FNDC3A: variants seen among roughly 807,000 people sequenced by gnomAD.
The protein encoded by FNDC3A is fibronectin type III domain containing 3A, also known as fibronectin type-III domain-containing protein 3A.
FNDC3A carries 32 observed loss-of-function variants against 148.9 expected under a neutral mutation model. That is an observed-to-expected ratio of 0.21 (90% confidence interval 0.16 to 0.29). FNDC3A has a LOEUF of 0.29. Ranked by LOEUF, FNDC3A falls within the 10% of genes least tolerant of loss-of-function variation. FNDC3A has a pLI of 1.00. For missense variants in FNDC3A, 1,191 were observed against 1,452.8 expected, an observed-to-expected ratio of 0.82 and a Z score of 2.93; for synonymous variants, 472 against 473.6, an observed-to-expected ratio of 1.00 and a Z score of 0.04.
intron 8 of FNDC3A, among the ~76,000 whole-genome samples, chr13:49,162,022 C>G (rs188728962): frequency 1.1e-3 from 160 of 152,298 alleles, no homozygotes; most frequent in African/African-American, 3.7e-3. Context: ...CGACCTTTCT[C>G]TCTGGCTGCC....
In FNDC3A at chr13:49,171,457, G is replaced by T. The variant is rs117254624; in HGVS notation, c.1177-586G>T. 5.2e-3 allele frequency among the ~76,000 whole-genome samples: 793 copies of T among 152,286 alleles called. 2 individuals are homozygous for T. The highest frequency in any genetic ancestry group is 9.1e-3 in the Non-Finnish European group (616 of 68,024). On this transcript the variant is annotated intron_variant, in intron 10 of 25. Coordinates refer to ENST00000492622, the MANE Select transcript of FNDC3A (RefSeq NM_001079673.2). ...TTGTAGAAGGAAAATTCAGATGGAA[G>T]TAAGGTTGAAATTCTTGATTTTTAG...
chr13:49,161,167 G>T (rs1884086110), intron 8 of FNDC3A, among the ~76,000 whole-genome samples: 1 of 152,048 alleles, frequency 6.6e-6, no homozygotes, highest in Non-Finnish European at 1.5e-5. Context: ...TCAAGTCCTG[G>T]GTATCCTTGT....
At chr13:49,019,966 A>T (rs1434485711) in intron 2 of FNDC3A, among the ~76,000 whole-genome samples, 1 of 152,240 alleles carries the variant, frequency 6.6e-6, no homozygotes, top group Non-Finnish European at 1.5e-5. Context: ...TGACTGAAGT[A>T]TAGAAATGAA....
chr13:49,187,799 T>TA (rs1266140842), intron 16 of FNDC3A: 1 of 646,338 alleles, frequency 1.5e-6, no homozygotes, highest in African/African-American at 1.8e-5. Context: ...TTTTGCCTGT[T>TA]ATGATCCACT....
chr13:49,161,469 C>G (rs552194608), intron 8 of FNDC3A, among the ~76,000 whole-genome samples: 1 of 152,032 alleles, frequency 6.6e-6, no homozygotes, highest in Non-Finnish European at 1.5e-5. Context: ...TTCCTCCATC[C>G]CTTTATTTTG....
intron 3 of FNDC3A, among the ~76,000 whole-genome samples, chr13:49,109,635 A>G (rs1880418885): frequency 6.6e-6 from 1 of 152,220 alleles, no homozygotes; most frequent in African/African-American, 2.4e-5. Context: ...GAGAACTCTG[A>G]ACCTGCACCT....
intron 4 of FNDC3A, among the ~76,000 whole-genome samples, chr13:49,122,539 G>A (rs58370241): frequency 0.015 from 2,336 of 152,256 alleles, 61 homozygotes; most frequent in African/African-American, 0.052. Flanking sequence ...TTTCAAATAG[G>A]AAGAGAGGAA....
intron 3 of FNDC3A, among the ~76,000 whole-genome samples, chr13:49,099,371 G>A (rs1398575658): frequency 6.6e-6 from 1 of 152,098 alleles, no homozygotes; most frequent in African/African-American, 2.4e-5. Flanking sequence ...GTAAGTGAAA[G>A]TGTGCTTAGA....
At chr13:49,007,187 T>A (rs1199700312) in intron 2 of FNDC3A, among the ~76,000 whole-genome samples, 3 of 152,090 alleles carry the variant, frequency 2.0e-5, no homozygotes, top group African/African-American at 7.2e-5. Flanking sequence ...TTTTCTTACT[T>A]TATAAACTTA....
At chr13:49,057,940 C>A (rs1876373446) in intron 2 of FNDC3A, among the ~76,000 whole-genome samples, 1 of 152,076 alleles carries the variant, frequency 6.6e-6, no homozygotes, top group African/African-American at 2.4e-5. Flanking sequence ...ATCTCCCCCC[C>A]AAAATTTATA....
intron 2 of FNDC3A, among the ~76,000 whole-genome samples, chr13:49,042,719 G>A (rs1054250061): frequency 1.3e-5 from 2 of 152,144 alleles, no homozygotes; most frequent in South Asian, 2.1e-4. Flanking sequence ...TGAGACTGCA[G>A]TGAGCTGCGA....
At chr13:49,165,542 G>A (rs915295324) in intron 8 of FNDC3A, among the ~76,000 whole-genome samples, 14 of 152,182 alleles carry the variant, frequency 9.2e-5, no homozygotes, top group East Asian at 3.9e-4. Context: ...GCCTGTCCTC[G>A]GGCCTCAGTA....
chr13:49,103,680 T>C (rs1879995574), intron 3 of FNDC3A, among the ~76,000 whole-genome samples: 1 of 152,110 alleles, frequency 6.6e-6, no homozygotes, highest in Non-Finnish European at 1.5e-5. Flanking sequence ...TTGAGAGATA[T>C]TTAGGAGATA....
intron 2 of FNDC3A, among the ~76,000 whole-genome samples, chr13:49,039,692 A>G (rs1274545991): frequency 6.6e-6 from 1 of 151,950 alleles, no homozygotes; most frequent in Non-Finnish European, 1.5e-5. Context: ...TTTCATTATC[A>G]TACTTTTTCT....
At position 49,005,942 on chromosome 13, in the gene FNDC3A, T is replaced by C. The variant is rs1412333300; in HGVS notation, c.-39-210T>C. Among the ~76,000 whole-genome samples, 4 of 152,060 alleles carry C rather than the reference T, an allele frequency of 2.6e-5. No homozygotes were observed. In the East Asian group the frequency reaches 7.7e-4, roughly 29 times the overall value. On this transcript the variant is annotated intron_variant, in intron 1 of 25. Coordinates refer to ENST00000492622, the MANE Select transcript of FNDC3A (RefSeq NM_001079673.2). ...TAATATATCATATAAACTTACTGACTACTTTGACAAACAAAGTAATTTGAA... is the reference window on the plus strand; with the variant it reads ...TAATATATCATATAAACTTACTGACCACTTTGACAAACAAAGTAATTTGAA...
chr13:48,985,490 T>C (rs1951772576), intron 1 of FNDC3A, among the ~76,000 whole-genome samples: 1 of 152,192 alleles, frequency 6.6e-6, no homozygotes, highest in Non-Finnish European at 1.5e-5. Flanking sequence ...AAACTGGAAG[T>C]AATAAGATCA....
chr13:49,200,255 C>G (rs983061059), intron 23 of FNDC3A, among the ~76,000 whole-genome samples: 2 of 152,106 alleles, frequency 1.3e-5, no homozygotes, highest in African/African-American at 4.8e-5. Flanking sequence ...TTGTACATAA[C>G]CACTCTCTAT....
chr13:49,192,110 G>A (rs1281923941), intron 19 of FNDC3A, among the ~76,000 whole-genome samples: 1 of 152,026 alleles, frequency 6.6e-6, no homozygotes, highest in East Asian at 1.9e-4. Flanking sequence ...GTTCCCTAAG[G>A]ACAAAGCAGT....
intron 20 of FNDC3A, 133 bp from the exon 21 acceptor site, chr13:49,197,592 G>T (rs1296890976): frequency 2.1e-5 from 14 of 676,554 alleles, no homozygotes; most frequent in Non-Finnish European, 3.3e-5. Context: ...GAACAGTTTT[G>T]ATTGTGCTTA....
Sources: gnomAD v4.1 joint callset for allele counts (sites outside exome capture counted in the v4.1 genomes callset) on GRCh38, gnomAD v4.1.1 for gene constraint, MANE v1.5 for transcripts, NCBI Gene and HGNC (gene_info 2026-07-23, HGNC 2026-07-21) for gene names.